Variants in LRRC4C observed in about 807,000 individuals in gnomAD.
The protein encoded by LRRC4C is leucine-rich repeat-containing protein 4C.
In LRRC4C, 5 loss-of-function variants were observed where a neutral mutation model predicts 33.6. The ratio of observed to expected loss-of-function variants is 0.15; its 90% CI spans 0.08 to 0.31. The LOEUF (loss-of-function observed/expected upper bound fraction) is 0.31. LRRC4C is among the 10% of genes least tolerant of loss of function. The pLI is 1.00. For synonymous variants in LRRC4C, 329 were observed against 302.0 expected (o/e 1.09, Z -0.93); for missense variants, 560 against 796.7 (o/e 0.70, Z 3.58).
At chr11:41,025,107 A>G (rs191304964) in intron 1 of LRRC4C, among the ~76,000 whole-genome samples, 2 of 151,544 alleles carry the variant, frequency 1.3e-5, no homozygotes, top group Admixed American at 6.6e-5. Context: ...GGACCTCTCT[A>G]TTCCCTGAGA....
At chr11:40,254,624 A>G (rs1278814410) in intron 4 of LRRC4C, among the ~76,000 whole-genome samples, 1 of 152,230 alleles carries the variant, frequency 6.6e-6, no homozygotes, top group Non-Finnish European at 1.5e-5. Context: ...GTATGTTCCT[A>G]TATGATATAC....
chr11:40,749,102 T>C (rs752279873), intron 2 of LRRC4C, among the ~76,000 whole-genome samples: 2 of 152,098 alleles, frequency 1.3e-5, no homozygotes, highest in African/African-American at 4.8e-5. Flanking sequence ...AAGATTTAAA[T>C]TGGAATTTAG....
intron 3 of LRRC4C, among the ~76,000 whole-genome samples, chr11:40,403,476 A>G (rs1328571722): frequency 6.6e-6 from 1 of 152,158 alleles, no homozygotes; most frequent in Non-Finnish European, 1.5e-5. Context: ...ATTGAAAGCA[A>G]GACCGAATGA....
At position 40,589,421 on chromosome 11, in the gene LRRC4C, G is replaced by C. The variant is rs1435966216; in HGVS notation, c.-270+58721C>G. Among the ~76,000 whole-genome samples the C allele has an allele frequency of 3.7e-4, 57 of 152,170 alleles. No homozygotes were observed. The East Asian group carries it at 4.8e-3, about 13-fold the overall frequency. On this transcript the variant is annotated intron_variant, in intron 3 of 6. Coordinates refer to ENST00000528697, the MANE Select transcript of LRRC4C (RefSeq NM_001258419.2). ...AATACAGCACACTGATGGGTCTTGA[G>C]TCTTTATCCAATTTGGCAGTCTGTG...
intron 1 of LRRC4C, among the ~76,000 whole-genome samples, chr11:40,940,692 G>A (rs1958101197): frequency 6.6e-6 from 1 of 152,064 alleles, no homozygotes; most frequent in South Asian, 2.1e-4. Context: ...AAAGTTCTTA[G>A]AAGAGCATTC....
At chr11:41,094,308 G>A (rs918654990) in intron 1 of LRRC4C, among the ~76,000 whole-genome samples, 10 of 151,620 alleles carry the variant, frequency 6.6e-5, no homozygotes, top group Admixed American at 1.3e-4. Context: ...GGCGGATCAC[G>A]AGGTCAGGAG....
intron 3 of LRRC4C, among the ~76,000 whole-genome samples, chr11:40,534,003 G>A (rs764895849): frequency 6.6e-6 from 1 of 152,138 alleles, no homozygotes; most frequent in Non-Finnish European, 1.5e-5. Context: ...ACAAGATTTT[G>A]AGGCACATGT....
chr11:40,916,135 G>C (rs1424918986), intron 2 of LRRC4C, among the ~76,000 whole-genome samples: 1 of 152,216 alleles, frequency 6.6e-6, no homozygotes. Flanking sequence ...GGAAGTCAGT[G>C]TAGCGATTCC....
chr11:40,272,743 A>G (rs2136354848), intron 4 of LRRC4C, among the ~76,000 whole-genome samples: 1 of 152,280 alleles, frequency 6.6e-6, no homozygotes, highest in African/African-American at 2.4e-5. Flanking sequence ...AGTTTCAACC[A>G]AAAATCACGT....
chr11:41,144,638 C>T (rs958645182), intron 1 of LRRC4C, among the ~76,000 whole-genome samples: 2 of 152,088 alleles, frequency 1.3e-5, no homozygotes, highest in African/African-American at 4.8e-5. Context: ...CTCTTTCATT[C>T]AACCTGTACA....
At chr11:40,949,827 G>C (rs1958609209) in intron 1 of LRRC4C, among the ~76,000 whole-genome samples, 1 of 151,778 alleles carries the variant, frequency 6.6e-6, no homozygotes, top group South Asian at 2.1e-4. Context: ...AAAATAACCA[G>C]CTAACATCAT....
At chr11:40,794,477 A>G (rs1199998103) in intron 2 of LRRC4C, among the ~76,000 whole-genome samples, 1 of 152,038 alleles carries the variant, frequency 6.6e-6, no homozygotes, top group Non-Finnish European at 1.5e-5. Context: ...CTAGCCATCA[A>G]ATCTCTGATT....
intron 2 of LRRC4C, among the ~76,000 whole-genome samples, chr11:40,849,823 C>A (rs1953389810): frequency 6.6e-6 from 1 of 151,728 alleles, no homozygotes; most frequent in African/African-American, 2.4e-5. Flanking sequence ...TTCTTGGAGG[C>A]TTTGTTCTTT....
At chr11:40,863,469 C>T (rs888363242) in intron 2 of LRRC4C, among the ~76,000 whole-genome samples, 1 of 152,170 alleles carries the variant, frequency 6.6e-6, no homozygotes, top group African/African-American at 2.4e-5. Context: ...ATGGGCCACC[C>T]CTAAACTGGG....
intron 1 of LRRC4C, among the ~76,000 whole-genome samples, chr11:41,252,636 T>A (rs1346905372): frequency 6.6e-6 from 1 of 151,248 alleles, no homozygotes; most frequent in Non-Finnish European, 1.5e-5. Flanking sequence ...CAACAAAAAA[T>A]GTCCTATTTA....
intron 3 of LRRC4C, among the ~76,000 whole-genome samples, chr11:40,533,002 T>C (rs1956331899): frequency 6.6e-6 from 1 of 152,054 alleles, no homozygotes; most frequent in Non-Finnish European, 1.5e-5. Flanking sequence ...ACTCACTCAC[T>C]ATCACGAGAA....
intron 1 of LRRC4C, among the ~76,000 whole-genome samples, chr11:41,055,178 G>T (rs1858531397): frequency 6.6e-6 from 1 of 151,848 alleles, no homozygotes; most frequent in Admixed American, 6.6e-5. Context: ...TTTTTTTTGT[G>T]AATGAATCCC....
At chr11:40,485,392 A>G (rs1040070053) in intron 3 of LRRC4C, among the ~76,000 whole-genome samples, 1 of 151,828 alleles carries the variant, frequency 6.6e-6, no homozygotes, top group Non-Finnish European at 1.5e-5. Flanking sequence ...TCTTTCATAT[A>G]TTAGAGTTAC....
chr11:41,348,514 G>T (rs1951870590), intron 1 of LRRC4C, among the ~76,000 whole-genome samples: 1 of 152,020 alleles, frequency 6.6e-6, no homozygotes, highest in Non-Finnish European at 1.5e-5. Context: ...GACATGAATT[G>T]AATAAGAAAG....
Sources: allele counts gnomAD v4.1 joint callset (sites outside exome capture counted in the v4.1 genomes callset), GRCh38; gene constraint gnomAD v4.1.1; transcripts MANE v1.5; gene names NCBI Gene and HGNC (gene_info 2026-07-23, HGNC 2026-07-21).